SKI: variants seen among roughly 807,000 people sequenced by gnomAD.
SKI encodes ski oncogene.
In SKI, 23 loss-of-function variants were observed where a neutral mutation model predicts 59.3. The observed-to-expected ratio is 0.39, with a 90% CI of 0.28 to 0.55. SKI has a LOEUF of 0.55. Among genes scored for constraint, SKI ranks in the 20% least tolerant of loss-of-function variants. The pLI, the probability that SKI is intolerant of heterozygous loss-of-function variation, is 0.67. For synonymous variants in SKI, 673 were observed against 488.6 expected, an observed-to-expected ratio of 1.38 and a Z score of -4.98; for missense variants, 1,017 against 1,038.9, an observed-to-expected ratio of 0.98 and a Z score of 0.29.
chr1:2,286,966 C>A (rs1399848238), intron 1 of SKI, among the ~76,000 whole-genome samples: 1 of 152,222 alleles, frequency 6.6e-6, no homozygotes. Context: ...ATGATGGGGA[C>A]AGAGCGTTAA....
rs143354186 is a variant in SKI, at chr1:2,276,225, G to A, written c.970-26753G>A. On this transcript the variant is annotated intron_variant, in intron 1 of 6. Coordinates refer to ENST00000378536, the MANE Select transcript of SKI (RefSeq NM_003036.4). The stretch of plus-strand genomic sequence containing the variant: ...CCCACCCCCCGACCCCCACTGCAGC[G>A]CCACCTGCCTTTATCTGTACTTGGA... 4.0e-3 allele frequency among the ~76,000 whole-genome samples: 563 copies of A among 140,240 alleles called. 5 individuals carry two copies. Among genetic ancestry groups the A allele is most frequent in the African/African-American group, 0.013 (491 of 37,250 alleles). 92.0% of individuals were successfully genotyped at this position (140,240 alleles called of 152,430 possible). A position where few individuals can be genotyped will look rare whatever the true frequency, so the allele number is the denominator to read the frequency against.
chr1:2,256,950 C>A (rs1280600619), intron 1 of SKI, among the ~76,000 whole-genome samples: 1 of 152,186 alleles, frequency 6.6e-6, no homozygotes, highest in African/African-American at 2.4e-5. Context: ...ATCTTCTGCT[C>A]GGTGCTCCCT....
At chr1:2,247,512 G>A (rs540772216) in intron 1 of SKI, among the ~76,000 whole-genome samples, 26 of 152,338 alleles carry the variant, frequency 1.7e-4, no homozygotes, top group African/African-American at 2.4e-4. Context: ...AGCCTGTCAC[G>A]TTCCTCCCTT....
chr1:2,243,867 G>A (rs1262456595), intron 1 of SKI, among the ~76,000 whole-genome samples: 1 of 152,186 alleles, frequency 6.6e-6, no homozygotes, highest in Admixed American at 6.5e-5. Context: ...GGATGATTCT[G>A]TGTGTGCTTA....
intron 1 of SKI, among the ~76,000 whole-genome samples, chr1:2,231,150 C>T (rs1426748925): frequency 6.6e-6 from 1 of 152,110 alleles, no homozygotes; most frequent in Non-Finnish European, 1.5e-5. Context: ...CGATGGCGCT[C>T]CCTGTGGGCT....
At chr1:2,248,135 C>T (rs1023731302) in intron 1 of SKI, 1 of 152,316 alleles carries the variant, frequency 6.6e-6, no homozygotes, top group Non-Finnish European at 1.5e-5. Flanking sequence ...ATTCCTTCCC[C>T]AGAGCCCTAG....
chr1:2,263,274 G>C (rs1391379905), intron 1 of SKI, among the ~76,000 whole-genome samples: 1 of 124,700 alleles, frequency 8.0e-6, no homozygotes, highest in African/African-American at 3.1e-5. Context: ...GTCTTGCTCT[G>C]TCGCCCAGGC....
intron 1 of SKI, among the ~76,000 whole-genome samples, chr1:2,241,057 C>T (rs1268701700): frequency 6.6e-6 from 1 of 152,244 alleles, no homozygotes; most frequent in Non-Finnish European, 1.5e-5. Flanking sequence ...TCTGCCTAAA[C>T]GTTGACACAT....
At chr1:2,232,196 A>G (rs1638653686) in intron 1 of SKI, among the ~76,000 whole-genome samples, 1 of 152,236 alleles carries the variant, frequency 6.6e-6, no homozygotes, top group African/African-American at 2.4e-5. Flanking sequence ...TTATTTTAAT[A>G]TTTTTGATCT....
In SKI at chr1:2,270,966, C is replaced by T. The variant is rs1051945440; in HGVS notation, c.970-32012C>T. 1.3e-5 allele frequency among the ~76,000 whole-genome samples: 2 copies of T among 152,234 alleles called. No individual in the cohort carries two copies. Among genetic ancestry groups the T allele is most frequent in the East Asian group, 1.9e-4 (1 of 5,194 alleles). ...CTTTCCCTGTGAATGAGCCGATGGC[C>T]GCAAGTGCCTGGCCTCAGGCCTGGG... is the stretch of plus-strand genomic sequence containing the variant. On this transcript the variant is annotated intron_variant, in intron 1 of 6. Transcript: ENST00000378536. This position sits in a 1 kb window ranked among gnomAD's most constrained non-coding sequence, Gnocchi z 4.1.
chr1:2,289,502 TGG>T (rs1176916472), intron 1 of SKI, among the ~76,000 whole-genome samples: 7 of 73,110 alleles, frequency 9.6e-5, no homozygotes, highest in African/African-American at 2.5e-4. Context: ...ATCGTGGGGG[TGG>T]GGGGGTGCAG....
chr1:2,263,519 G>A (rs1639431688), intron 1 of SKI, among the ~76,000 whole-genome samples: 1 of 151,806 alleles, frequency 6.6e-6, no homozygotes, highest in Non-Finnish European at 1.5e-5. Flanking sequence ...TTACAGGCGT[G>A]AGCCACTGCG....
Position 2,229,120 on chromosome 1 carries a change from G to A in SKI, c.354G>A (p.Glu118=), listed in dbSNP as rs1638572495. 1 of 1,610,688 alleles carries A rather than the reference G, an allele frequency of 6.2e-7. No individual in the cohort carries two copies. The highest frequency in any genetic ancestry group is 8.5e-7 in the Non-Finnish European group (1 of 1,179,904). ...TCTCGTGCTTCGTGGTGGGAGGCGAGAAGCGCCTGTGTCTGCCGCAGATTC... is the reference window on the plus strand; with the variant it reads ...TCTCGTGCTTCGTGGTGGGAGGCGAAAAGCGCCTGTGTCTGCCGCAGATTC... ...ETISCFVVGG[E]KRLCLPQILN... The change falls in exon 1 of 7, where the codon GAG becomes GAA. Residue 118 remains glutamate, a synonymous_variant. Transcript: ENST00000378536. The surrounding 1 kb of genome is among the most constrained non-coding windows in gnomAD (Gnocchi z 6.3).
chr1:2,241,112 T>C (rs769265111), intron 1 of SKI, among the ~76,000 whole-genome samples: 2 of 152,222 alleles, frequency 1.3e-5, no homozygotes, highest in Non-Finnish European at 2.9e-5. Flanking sequence ...GGTGGGGCCC[T>C]GCGGGCTCCA....
intron 1 of SKI, among the ~76,000 whole-genome samples, chr1:2,251,949 G>A (rs576068800): frequency 1.3e-5 from 2 of 152,270 alleles, no homozygotes; most frequent in Admixed American, 6.5e-5. Context: ...CTCCCCAGCT[G>A]TCATGTCCGT....
chr1:2,280,396 C>A (rs1184312269), intron 1 of SKI, among the ~76,000 whole-genome samples: 1 of 151,674 alleles, frequency 6.6e-6, no homozygotes, highest in Non-Finnish European at 1.5e-5. Context: ...AAAGTCTGAC[C>A]ACAGCCCCTT....
intron 1 of SKI, among the ~76,000 whole-genome samples, chr1:2,272,349 G>A (rs1043027331): frequency 8.5e-5 from 13 of 152,252 alleles, no homozygotes; most frequent in African/African-American, 3.1e-4. Context: ...AGAAACCAGA[G>A]GTGTTGAGAC....
chr1:2,229,175 C>T lies in SKI; in HGVS notation c.409C>T (p.Gln137Ter). The T allele has an allele frequency of 6.2e-7, 1 of 1,611,780 alleles. No individual in the cohort carries two copies. The highest frequency in any genetic ancestry group is 8.5e-7 in the Non-Finnish European group (1 of 1,179,618). ...LNSVLRDFSL[Q>*]QINAVCDELH... is the part of the protein sequence containing the mutation. ...CTCGGTGCTGCGCGACTTCTCGCTG[C>T]AGCAGATCAACGCGGTGTGCGACGA... The change falls in exon 1 of 7, where the codon CAG becomes TAG. Residue 137 changes from glutamine (Q) to a stop codon, truncating the protein, a stop_gained. Coordinates refer to ENST00000378536, the MANE Select transcript of SKI (RefSeq NM_003036.4). LOFTEE classifies it high-confidence loss of function. This position sits in a 1 kb window ranked among gnomAD's most constrained non-coding sequence, Gnocchi z 6.3.
intron 1 of SKI, among the ~76,000 whole-genome samples, chr1:2,287,970 CT>C (rs1640079687): frequency 6.6e-6 from 1 of 152,032 alleles, no homozygotes; most frequent in Non-Finnish European, 1.5e-5. Flanking sequence ...TCTCGTCTGT[CT>C]TTTTTCTTTT....
Sources: gnomAD v4.1 joint callset for allele counts (sites outside exome capture counted in the v4.1 genomes callset) on GRCh38, gnomAD v4.1.1 for gene constraint, Gnocchi (gnomAD v3.1) non-coding constraint, MANE v1.5 for transcripts, NCBI Gene and HGNC (gene_info 2026-07-23, HGNC 2026-07-21) for gene names.